Variants in TOX3 observed in about 807,000 individuals in gnomAD.
The protein encoded by TOX3 is CAG trinucleotide repeat-containing gene F9 protein.
Under a neutral mutation model 64.3 loss-of-function variants are expected in TOX3, and 22 were observed. The observed-to-expected ratio is 0.34, with a 90% CI of 0.24 to 0.49. The LOEUF is 0.49. Ranked by LOEUF, TOX3 falls within the 20% of genes least tolerant of loss-of-function variation. The pLI is 0.99. For missense variants in TOX3, 661 were observed against 714.4 expected (o/e 0.93, Z 0.85); for synonymous variants, 291 against 273.6 (o/e 1.06, Z -0.63).
intron 1 of TOX3, among the ~76,000 whole-genome samples, chr16:52,517,981 C>T (rs988943006): frequency 2.0e-5 from 3 of 152,100 alleles, no homozygotes; most frequent in Non-Finnish European, 2.9e-5. Flanking sequence ...GGTGCCTCTA[C>T]AGATGGAGTA....
At chr16:52,476,794 C>T (rs3095618) in intron 1 of TOX3, among the ~76,000 whole-genome samples, 101,921 of 151,822 alleles carry the variant, frequency 0.67, 35,672 homozygotes, top group East Asian at 0.87. Flanking sequence ...TACTTCTCTG[C>T]AGATGCAGAG....
chr16:52,451,670 G>T (rs375372458), intron 3 of TOX3, among the ~76,000 whole-genome samples: 2 of 151,874 alleles, frequency 1.3e-5, no homozygotes, highest in Non-Finnish European at 2.9e-5. Context: ...TTAAAGAAGC[G>T]GAATGAATTG....
At chr16:52,491,279 G>C (rs1328402945) in intron 1 of TOX3, among the ~76,000 whole-genome samples, 2 of 151,618 alleles carry the variant, frequency 1.3e-5, no homozygotes, top group Non-Finnish European at 1.5e-5. Flanking sequence ...ACATCCAATG[G>C]GGTGAGCTCT....
chr16:52,533,035 G>T (rs1962882725), intron 1 of TOX3, among the ~76,000 whole-genome samples: 1 of 152,204 alleles, frequency 6.6e-6, no homozygotes, highest in African/African-American at 2.4e-5. Flanking sequence ...AACGTAACAA[G>T]GAATAGAAGT....
intron 4 of TOX3, among the ~76,000 whole-genome samples, chr16:52,448,885 A>G (rs892497022): frequency 1.3e-5 from 2 of 151,556 alleles, no homozygotes; most frequent in Non-Finnish European, 2.9e-5. Flanking sequence ...AACATCCCAA[A>G]CTCTCATGTT....
At chr16:52,498,816 G>GT (rs1961922094) in intron 1 of TOX3, among the ~76,000 whole-genome samples, 2 of 152,220 alleles carry the variant, frequency 1.3e-5, no homozygotes, top group South Asian at 2.1e-4. Context: ...AGGCCTCCGA[G>GT]TGTGCGAACA....
At chr16:52,517,472 T>C (rs1962488753) in intron 1 of TOX3, among the ~76,000 whole-genome samples, 1 of 152,022 alleles carries the variant, frequency 6.6e-6, no homozygotes, top group Non-Finnish European at 1.5e-5. Flanking sequence ...ATGGCTCTCT[T>C]CTTGGTGGTG....
At chr16:52,474,182 A>C (rs1961137781) in intron 1 of TOX3, among the ~76,000 whole-genome samples, 1 of 152,100 alleles carries the variant, frequency 6.6e-6, no homozygotes, top group Non-Finnish European at 1.5e-5. Context: ...TATCATTCTT[A>C]AATCCTCTCT....
intron 6 of TOX3, among the ~76,000 whole-genome samples, chr16:52,442,584 A>G (rs1472649395): frequency 6.6e-6 from 1 of 152,228 alleles, no homozygotes; most frequent in Non-Finnish European, 1.5e-5. Flanking sequence ...TGTGGGATCC[A>G]AAACAGAACC....
chr16:52,502,156 C>G (rs1479610259), intron 1 of TOX3, among the ~76,000 whole-genome samples: 1 of 152,164 alleles, frequency 6.6e-6, no homozygotes, highest in Non-Finnish European at 1.5e-5. Context: ...TAAGCACTTC[C>G]TGAGTGCCTA....
At chr16:52,538,418 G>T (rs1482668771) in intron 1 of TOX3, among the ~76,000 whole-genome samples, 2 of 151,998 alleles carry the variant, frequency 1.3e-5, no homozygotes, top group East Asian at 1.9e-4. Context: ...TGTAGAAATT[G>T]CTGGAAAAAA....
intron 1 of TOX3, among the ~76,000 whole-genome samples, chr16:52,515,423 T>C (rs1009135962): frequency 2.0e-5 from 3 of 152,246 alleles, no homozygotes; most frequent in Non-Finnish European, 4.4e-5. Flanking sequence ...TCTTATTTTC[T>C]GAGGTTACAT....
intron 1 of TOX3, among the ~76,000 whole-genome samples, chr16:52,536,095 G>A (rs1482621588): frequency 1.3e-5 from 2 of 152,082 alleles, no homozygotes; most frequent in Non-Finnish European, 2.9e-5. Flanking sequence ...TTATGTGCCA[G>A]GCACTTCTCT....
intron 6 of TOX3, among the ~76,000 whole-genome samples, chr16:52,443,245 A>G (rs1031576139): frequency 1.3e-5 from 2 of 152,316 alleles, no homozygotes; most frequent in East Asian, 3.9e-4. Flanking sequence ...GTACAACATC[A>G]GTATATCTTC....
Position 52,541,739 on chromosome 16 carries a change from C to A in TOX3, c.87+4898G>T, listed in dbSNP as rs182167690. Among the ~76,000 whole-genome samples, 334 of 152,272 alleles carry A rather than the reference C, an allele frequency of 2.2e-3. 6 individuals are homozygous for A. The highest frequency in any genetic ancestry group is 5.6e-4 in the Non-Finnish European group (38 of 68,022). On this transcript the variant is annotated intron_variant, in intron 1 of 6. Coordinates refer to ENST00000219746, the MANE Select transcript of TOX3 (RefSeq NM_001080430.4). ...ATTTGAAATGACTAAAATTAATTTT[C>A]TTTGGCTAACTATATGCTAGTCTCT...
Position 52,468,640 on chromosome 16 carries a change from A to G in TOX3, c.88-66T>C, listed in dbSNP as rs1182029969. On this transcript the variant is annotated intron_variant, in intron 1 of 6. Coordinates refer to ENST00000219746, the MANE Select transcript of TOX3 (RefSeq NM_001080430.4). Reference sequence around the variant, plus strand: ...ATAAAGCATTCTGGCTGTGATTTGGAAAGAATGCTGGTGTTGCTAAATAAA... The same window carrying G: ...ATAAAGCATTCTGGCTGTGATTTGGGAAGAATGCTGGTGTTGCTAAATAAA... 3.1e-6 allele frequency: 4 copies of G among 1,300,992 alleles called. No homozygotes were observed. The East Asian group carries it at 7.0e-5, about 23-fold the overall frequency. The allele number at this position is 1,300,992 out of a possible 1,614,324, so 80.6% of individuals were successfully genotyped here.
intron 1 of TOX3, among the ~76,000 whole-genome samples, chr16:52,506,940 A>C (rs2151468555): frequency 6.6e-6 from 1 of 152,262 alleles, no homozygotes; most frequent in African/African-American, 2.4e-5. Flanking sequence ...GTAGCTGGAA[A>C]CCCTGATTAG....
chr16:52,442,049 A>C (rs543559581), intron 6 of TOX3, among the ~76,000 whole-genome samples: 3 of 152,320 alleles, frequency 2.0e-5, no homozygotes, highest in Non-Finnish European at 4.4e-5. Flanking sequence ...AACACAAAGA[A>C]AGTCTGTATT....
chr16:52,513,827 C>T (rs1195606452), intron 1 of TOX3, among the ~76,000 whole-genome samples: 2 of 152,130 alleles, frequency 1.3e-5, no homozygotes, highest in African/African-American at 4.8e-5. Context: ...ATGATTTGTG[C>T]ATTTTATATA....
Sources: gnomAD v4.1 joint callset for allele counts (sites outside exome capture counted in the v4.1 genomes callset) on GRCh38, gnomAD v4.1.1 for gene constraint, MANE v1.5 for transcripts, NCBI Gene and HGNC (gene_info 2026-07-23, HGNC 2026-07-21) for gene names.